The following RIPOR2 variants were observed in gnomAD, a reference collection of about 807,000 sequenced individuals.
RIPOR2 encodes rho family-interacting cell polarization regulator 2.
A neutral mutation model predicts 114.5 loss-of-function variants in RIPOR2; 39 were observed. That is an observed-to-expected ratio of 0.34 (90% CI 0.26 to 0.44). The LOEUF (loss-of-function observed/expected upper bound fraction) is 0.44, where lower values mean the gene tolerates loss of function less well. Among genes scored for constraint, RIPOR2 ranks in the 20% least tolerant of loss-of-function variants. The pLI is 1.00. For synonymous variants in RIPOR2, 445 were observed against 484.4 expected (o/e 0.92, Z 1.07); for missense variants, 1,007 against 1,255.1 (o/e 0.80, Z 2.99).
intron 1 of RIPOR2, among the ~76,000 whole-genome samples, chr6:24,972,547 G>C (rs1773833634): frequency 2.0e-5 from 3 of 152,200 alleles, no homozygotes; most frequent in African/African-American, 7.2e-5. Context: ...TAATACAACA[G>C]AGGTTTTCAG....
At chr6:24,846,301 C>CT (rs1233193249) in intron 12 of RIPOR2, among the ~76,000 whole-genome samples, 30,568 of 85,642 alleles carry the variant, frequency 0.36, 6,475 homozygotes, top group East Asian at 0.61. Context: ...TTTCACCTGC[C>CT]TTTTTTTTTT....
At position 24,883,181 on chromosome 6, in the gene RIPOR2, A is replaced by G. The variant is rs553058578; in HGVS notation, c.62-7364T>C. Reference sequence around the variant, plus strand: ...GAATACAAACAGGCAATTCTGAGAGAGCCTTACTGATAGAAAATATGAGAC... The same window carrying G: ...GAATACAAACAGGCAATTCTGAGAGGGCCTTACTGATAGAAAATATGAGAC... On this transcript the variant is annotated intron_variant, in intron 1 of 21. Coordinates refer to ENST00000643898, the MANE Select transcript of RIPOR2 (RefSeq NM_001286445.3). The surrounding 1 kb of genome is among the most constrained non-coding windows in gnomAD (Gnocchi z 4.1). Among the ~76,000 whole-genome samples, 6 of 152,354 alleles carry G rather than the reference A, an allele frequency of 3.9e-5. No individual in the cohort carries two copies. In the South Asian group the frequency reaches 1.2e-3, roughly 32 times the overall value.
intron 18 of RIPOR2, among the ~76,000 whole-genome samples, 190 bp from the exon 19 acceptor site, chr6:24,825,618 A>AT (rs1760102918): frequency 6.6e-6 from 1 of 152,238 alleles, no homozygotes; most frequent in Non-Finnish European, 1.5e-5. Context: ...AAATAACTAC[A>AT]TTATAGTGAT....
At chr6:24,945,141 A>G (rs746169753) in intron 1 of RIPOR2, among the ~76,000 whole-genome samples, 24 of 152,230 alleles carry the variant, frequency 1.6e-4, no homozygotes, top group Non-Finnish European at 1.5e-4. Context: ...CAATTACCAT[A>G]TATCAATTAA....
chr6:24,826,276 A>C (rs1000113643), intron 18 of RIPOR2, among the ~76,000 whole-genome samples: 12 of 152,186 alleles, frequency 7.9e-5, no homozygotes, highest in Non-Finnish European at 1.5e-4. Flanking sequence ...TTAAAAAATA[A>C]GGTTTTGAGT....
At position 24,850,583 on chromosome 6, in the gene RIPOR2, T is replaced by G. The variant is rs780642716; in HGVS notation, c.885+14A>C. On this transcript the variant is annotated intron_variant, in intron 10 of 21. Transcript: ENST00000643898. ...TGGCACCAGGAAAGACAACAGGCAA[T>G]GACAATACTGTACCTTGATGGAGAT... The G allele has an allele frequency of 5.0e-6, 8 of 1,613,660 alleles. 1 individual carries two copies. In the South Asian group the frequency reaches 8.8e-5, roughly 18 times the overall value.
At position 24,832,276 on chromosome 6, in the gene RIPOR2, T is replaced by C. The variant is rs1190761562; in HGVS notation, c.2324A>G (p.Asn775Ser). 1.3e-6 allele frequency: 2 copies of C among 1,551,626 alleles called. No individual in the cohort carries two copies. Among genetic ancestry groups the C allele is most frequent in the Non-Finnish European group, 1.7e-6 (2 of 1,146,974 alleles). ...LAAVSDENIG[N>S]ISSVVEAIPE... ...CTTACCTTCCACAACAGAACTGATATTTCCTATGTTCTCATCACTGACAGC... is the reference window on the plus strand; with the variant it reads ...CTTACCTTCCACAACAGAACTGATACTTCCTATGTTCTCATCACTGACAGC... Residue 775 changes from asparagine (N) to serine (S), a missense_variant, in exon 16 of 22, where the codon AAT (asparagine) becomes AGT (serine). Coordinates refer to ENST00000643898, the MANE Select transcript of RIPOR2 (RefSeq NM_001286445.3).
upstream of RIPOR2, among the ~76,000 whole-genome samples, chr6:24,939,902 T>C (rs992518403): frequency 6.6e-6 from 1 of 152,210 alleles, no homozygotes; most frequent in Non-Finnish European, 1.5e-5. Flanking sequence ...CACAGGAACA[T>C]AGCAAAGCTT....
Position 24,865,547 on chromosome 6 carries a change from C to G in RIPOR2, c.502-97G>C, listed in dbSNP as rs1210029071. 1.0e-5 allele frequency: 11 copies of G among 1,049,800 alleles called. No individual in the cohort carries two copies. The East Asian group carries it at 2.2e-4, about 21-fold the overall frequency. 65.0% of individuals were successfully genotyped at this position (1,049,800 alleles called of 1,614,324 possible). On this transcript the variant is annotated intron_variant, in intron 6 of 21. Coordinates refer to ENST00000643898, the MANE Select transcript of RIPOR2 (RefSeq NM_001286445.3). The stretch of plus-strand genomic sequence containing the variant: ...GCTTAATTTACTTTATATTTCTGAC[C>G]TCTACAAAGAGAATCCTGTAGAAGT...
At position 25,017,106 on chromosome 6, in the gene RIPOR2, G is replaced by A. The variant is rs1776043792; in HGVS notation, c.76+24745C>T. On this transcript the variant is annotated intron_variant, in intron 1 of 13. Transcript: ENST00000510784. The stretch of plus-strand genomic sequence containing the variant: ...TGTAATCCCAGCACTTTGGGAGGCT[G>A]AGACGGGTGGATCACCTGAGGTCAG... 2.0e-5 allele frequency among the ~76,000 whole-genome samples: 3 copies of A among 152,210 alleles called. 1 individual carries two copies. The South Asian group carries it at 6.2e-4, about 32-fold the overall frequency.
At position 24,811,109 on chromosome 6, in the gene RIPOR2, A is replaced by G. The variant is rs1353114709; in HGVS notation, c.2953-1302T>C. Among the ~76,000 whole-genome samples, 3 of 145,798 alleles carry G rather than the reference A, an allele frequency of 2.1e-5. No individual in the cohort carries two copies. In the East Asian group the frequency reaches 6.3e-4, roughly 31 times the overall value. On this transcript the variant is annotated intron_variant, in intron 20 of 21. Transcript: ENST00000643898. Reference sequence around the variant, plus strand: ...CATGAGCCACCATGCCTGGCCCTAGAGCTGTTTTTGATCACAGGCCATTAA... The same window carrying G: ...CATGAGCCACCATGCCTGGCCCTAGGGCTGTTTTTGATCACAGGCCATTAA...
At chr6:24,988,272 G>A (rs577704543) in intron 1 of RIPOR2, among the ~76,000 whole-genome samples, 14 of 152,008 alleles carry the variant, frequency 9.2e-5, no homozygotes, top group African/African-American at 2.4e-4. Context: ...TGCAACCTCC[G>A]CCTCCCAGAT....
intron 1 of RIPOR2, among the ~76,000 whole-genome samples, chr6:25,019,214 C>T (rs945834040): frequency 2.6e-5 from 4 of 152,182 alleles, no homozygotes; most frequent in Non-Finnish European, 5.9e-5. Flanking sequence ...GATGGTCCCA[C>T]ATTTGACAAA....
At chr6:24,896,687 G>A (rs1440515875) in intron 1 of RIPOR2, among the ~76,000 whole-genome samples, 1 of 152,114 alleles carries the variant, frequency 6.6e-6, no homozygotes, top group East Asian at 1.9e-4. Context: ...GGTGAATCAC[G>A]AGGTCAGGAG....
At chr6:25,016,692 T>C (rs1776021724) in intron 1 of RIPOR2, among the ~76,000 whole-genome samples, 1 of 152,338 alleles carries the variant, frequency 6.6e-6, no homozygotes, top group South Asian at 2.1e-4. Context: ...CTTAACTGAT[T>C]CATCACTTCT....
intron 19 of RIPOR2, among the ~76,000 whole-genome samples, chr6:24,818,848 G>C (rs1276689089): frequency 6.6e-6 from 1 of 151,172 alleles, no homozygotes; most frequent in Non-Finnish European, 1.5e-5. Context: ...TATGACTCTA[G>C]GAGAACATAA....
chr6:24,865,354 C>G lies in RIPOR2; in HGVS notation c.598G>C (p.Ala200Pro), dbSNP rs755379919. The change falls in exon 7 of 22, where the codon GCT (alanine) becomes CCT (proline). Residue 200 changes from alanine (A) to proline (P), a missense_variant. Physicochemically the swap from Ala to Pro is conservative, Grantham distance 27. Transcript: ENST00000643898. ...ATCTCTGTCAGACTCTCCCGGGCAG[C>G]TTTGCTGGCAGGGGATGTTGCGAAG... ...QAFATSPASK[A>P]ARESLTEINR... 4.3e-6 allele frequency: 7 copies of G among 1,613,560 alleles called. No homozygotes were observed. Among genetic ancestry groups the G allele is most frequent in the Non-Finnish European group, 5.9e-6 (7 of 1,179,746 alleles).
chr6:24,994,025 A>G (rs1248666148), intron 1 of RIPOR2, among the ~76,000 whole-genome samples: 2 of 152,190 alleles, frequency 1.3e-5, no homozygotes, highest in South Asian at 2.1e-4. Context: ...GGTACCTAAC[A>G]TTTCACTCAC....
chr6:25,003,157 G>A (rs915575566), intron 1 of RIPOR2, among the ~76,000 whole-genome samples: 10 of 152,042 alleles, frequency 6.6e-5, no homozygotes, highest in Non-Finnish European at 1.2e-4. Flanking sequence ...CTTCTCGACC[G>A]TTCACATAGG....
Sources: allele counts gnomAD v4.1 joint callset (sites outside exome capture counted in the v4.1 genomes callset), GRCh38; gene constraint gnomAD v4.1.1; non-coding constraint Gnocchi (gnomAD v3.1); transcripts MANE v1.5; gene names NCBI Gene and HGNC (gene_info 2026-07-23, HGNC 2026-07-21).